Variants in CSTF3 observed in about 807,000 individuals in gnomAD.
The protein encoded by CSTF3 is CF-1 77 kDa subunit.
CSTF3 carries 29 observed loss-of-function variants against 105.8 expected under a neutral mutation model. The ratio of observed to expected loss-of-function variants is 0.27; its 90% CI spans 0.20 to 0.37. The LOEUF (loss-of-function observed/expected upper bound fraction) is 0.37, where lower values mean the gene tolerates loss of function less well. Among genes scored for constraint, CSTF3 ranks in the 10% least tolerant of loss-of-function variants. The pLI, the probability that CSTF3 is intolerant of heterozygous loss-of-function variation, is 1.00. For synonymous variants in CSTF3, 252 were observed against 281.9 expected (o/e 0.89, Z 1.06); for missense variants, 357 against 879.3 (o/e 0.41, Z 7.51).
intron 1 of CSTF3, among the ~76,000 whole-genome samples, chr11:33,145,641 A>AT (rs1402228255): frequency 1.3e-5 from 2 of 151,898 alleles, no homozygotes; most frequent in Non-Finnish European, 2.9e-5. Context: ...GTGAAACCCC[A>AT]TCTCCACTAA....
chr11:33,129,751 T>A (rs1356418812), intron 3 of CSTF3, among the ~76,000 whole-genome samples: 1 of 152,244 alleles, frequency 6.6e-6, no homozygotes, highest in African/African-American at 2.4e-5. Flanking sequence ...TGTAAACTTT[T>A]CTTCTTACCC....
intron 1 of CSTF3, among the ~76,000 whole-genome samples, chr11:33,146,496 T>G (rs1293117771): frequency 6.6e-6 from 1 of 151,870 alleles, no homozygotes; most frequent in African/African-American, 2.4e-5. Flanking sequence ...AAGGATGCGG[T>G]GAGCTATAAT....
intron 3 of CSTF3, chr11:33,141,438 G>C (rs1451640103): frequency 7.8e-7 from 1 of 1,280,722 alleles, no homozygotes; most frequent in African/African-American, 1.5e-5. Flanking sequence ...CAATACCATT[G>C]AAACTGTTTT....
At chr11:33,118,747 TA>T (rs11338805) in intron 3 of CSTF3, among the ~76,000 whole-genome samples, 80,897 of 144,416 alleles carry the variant, frequency 0.56, 24,550 homozygotes, top group Non-Finnish European at 0.69. Context: ...ACCTCTGATC[TA>T]AAAAAAAAAA....
chr11:33,105,994 C>T lies in CSTF3; in HGVS notation c.423+4G>A, dbSNP rs751755832. 5 of 1,606,460 alleles carry T rather than the reference C, an allele frequency of 3.1e-6. No homozygotes were observed. In the East Asian group the frequency reaches 1.1e-4, roughly 36 times the overall value. ...GTGCATACATTAAAAAGTTTTAACT[C>T]TACCTGATAGGACATAATTTCCATT... On this transcript the variant is annotated splice_donor_region_variant and intron_variant, in intron 6 of 20. Transcript: ENST00000323959.
intron 1 of CSTF3, among the ~76,000 whole-genome samples, chr11:33,156,457 TTAATAA>T (rs1296886593): frequency 5.9e-5 from 9 of 152,336 alleles, no homozygotes; most frequent in African/African-American, 1.7e-4. Flanking sequence ...TCTTTCCTTA[TTAATAA>T]TAAGTATATA....
At chr11:33,146,758 G>C (rs535432316) in intron 1 of CSTF3, among the ~76,000 whole-genome samples, 91 of 152,000 alleles carry the variant, frequency 6.0e-4, no homozygotes, top group South Asian at 5.4e-3. Context: ...TTATTCGTCT[G>C]AGAAATATTC....
rs16923921 is a variant in CSTF3, at chr11:33,144,685, G to A, written c.28-2699C>T. On this transcript the variant is annotated intron_variant, in intron 1 of 20. Transcript: ENST00000323959. ...CAAAACACAAGACAGAACTAGAGCA[G>A]AATACGGTTAAATGTATTTCTGCAT... Among the ~76,000 whole-genome samples the A allele has an allele frequency of 7.8e-3, 1,193 of 152,284 alleles. 95 individuals carry two copies. In the East Asian group the frequency reaches 0.19, roughly 24 times the overall value.
intron 3 of CSTF3, among the ~76,000 whole-genome samples, chr11:33,127,834 A>G (rs1261777465): frequency 1.3e-5 from 2 of 152,214 alleles, no homozygotes; most frequent in African/African-American, 2.4e-5. Flanking sequence ...ACTAAGTTTC[A>G]GACTTTGATA....
chr11:33,113,037 G>T (rs553684149), intron 3 of CSTF3, among the ~76,000 whole-genome samples: 9 of 151,528 alleles, frequency 5.9e-5, no homozygotes, highest in Non-Finnish European at 8.8e-5. Context: ...GTGAAACCCC[G>T]TCTCTACTAA....
chr11:33,125,352 G>A (rs1590275974), intron 3 of CSTF3, among the ~76,000 whole-genome samples: 1 of 152,214 alleles, frequency 6.6e-6, no homozygotes, highest in Non-Finnish European at 1.5e-5. Flanking sequence ...TTTAACAACT[G>A]ATCTGTTCCT....
At position 33,150,301 on chromosome 11, in the gene CSTF3, T is replaced by C. The variant is rs555126783; in HGVS notation, c.28-8315A>G. On this transcript the variant is annotated intron_variant, in intron 1 of 20. Transcript: ENST00000323959. The stretch of plus-strand genomic sequence containing the variant: ...TGCCCTTCTGTAACAAACTGCTTAG[T>C]GTAGCAAGAACAGCTGTCCCATGCT... Among the ~76,000 whole-genome samples, 5 of 151,428 alleles carry C rather than the reference T, an allele frequency of 3.3e-5. No homozygotes were observed. The South Asian group carries it at 1.0e-3, about 32-fold the overall frequency.
At position 33,116,148 on chromosome 11, in the gene CSTF3, G is replaced by A. The variant is rs1751535886; in HGVS notation, c.226-7730C>T. ...TAAACAAAACTATGATTATCTTTGG[G>A]TCTAGATTAAATTTAGTTTCATTTT... On this transcript the variant is annotated intron_variant, in intron 3 of 20. Transcript: ENST00000323959. Among the ~76,000 whole-genome samples, 3 of 152,108 alleles carry A rather than the reference G, an allele frequency of 2.0e-5. No homozygotes were observed. The South Asian group carries it at 6.2e-4, about 32-fold the overall frequency.
intron 1 of CSTF3, among the ~76,000 whole-genome samples, chr11:33,146,062 C>A (rs1255404794): frequency 2.6e-5 from 4 of 151,526 alleles, no homozygotes; most frequent in African/African-American, 4.9e-5. Context: ...TATGGTGAAA[C>A]CCCCGTCTCT....
chr11:33,115,059 T>C (rs551901337), intron 3 of CSTF3, among the ~76,000 whole-genome samples: 17 of 152,322 alleles, frequency 1.1e-4, no homozygotes, highest in African/African-American at 3.6e-4. Context: ...TGAGTTCTTA[T>C]GGTAGTTGTT....
At chr11:33,098,827 C>A in intron 12 of CSTF3, 63 bp from the exon 13 acceptor site, 1 of 1,305,840 alleles carries the variant, frequency 7.7e-7, no homozygotes, top group Non-Finnish European at 1.0e-6. Context: ...ATTTGAGCTC[C>A]AAGGAATCCA....
chr11:33,087,879 C>G (rs1171332436), intron 17 of CSTF3, among the ~76,000 whole-genome samples: 4 of 152,196 alleles, frequency 2.6e-5, no homozygotes, highest in Non-Finnish European at 5.9e-5. Context: ...ATTGCCCTGC[C>G]AGGGCTGAGA....
At chr11:33,146,193 A>C (rs574655999) in intron 1 of CSTF3, among the ~76,000 whole-genome samples, 1 of 152,058 alleles carries the variant, frequency 6.6e-6, no homozygotes, top group South Asian at 2.1e-4. Flanking sequence ...AGCCAAGATC[A>C]CACCACTGCA....
chr11:33,158,824 A>T (rs1849899285), intron 1 of CSTF3, among the ~76,000 whole-genome samples: 1 of 152,198 alleles, frequency 6.6e-6, no homozygotes, highest in African/African-American at 2.4e-5. Context: ...CCAAACCAAA[A>T]GCAAGCAAGC....
Sources: allele counts gnomAD v4.1 joint callset (sites outside exome capture counted in the v4.1 genomes callset), GRCh38; gene constraint gnomAD v4.1.1; transcripts MANE v1.5; gene names NCBI Gene and HGNC (gene_info 2026-07-23, HGNC 2026-07-21).